Variants in GNAL observed in about 807,000 individuals in gnomAD.
The protein encoded by GNAL is guanine nucleotide-binding protein G(olf) subunit alpha.
GNAL carries 18 observed loss-of-function variants against 55.1 expected under a neutral mutation model. The ratio of observed to expected loss-of-function variants is 0.33; its 90% CI spans 0.23 to 0.48. GNAL has a LOEUF of 0.48. Among genes scored for constraint, GNAL ranks in the 20% least tolerant of loss-of-function variants. GNAL has a pLI of 0.99. For missense variants in GNAL, 412 were observed against 614.1 expected, an observed-to-expected ratio of 0.67 and a Z score of 3.48; for synonymous variants, 253 against 237.0, an observed-to-expected ratio of 1.07 and a Z score of -0.62.
chr18:11,844,016 T>C (rs1181336401), intron 5 of GNAL, among the ~76,000 whole-genome samples: 2 of 152,102 alleles, frequency 1.3e-5, no homozygotes, highest in Admixed American at 1.3e-4. Flanking sequence ...AAAAGTTTAA[T>C]TACAGTTATT....
intron 4 of GNAL, among the ~76,000 whole-genome samples, chr18:11,819,285 A>G (rs1166298648): frequency 6.6e-6 from 1 of 152,220 alleles, no homozygotes; most frequent in South Asian, 2.1e-4. Context: ...ATTTCATGTT[A>G]TCTTTGAGTA....
At chr18:11,730,211 G>C (rs965329958) in intron 1 of GNAL, among the ~76,000 whole-genome samples, 1 of 149,590 alleles carries the variant, frequency 6.7e-6, no homozygotes, top group Non-Finnish European at 1.5e-5. Context: ...CCAAGCTGGA[G>C]TGCAGTGGCA....
chr18:11,696,661 A>C (rs1004124336), intron 1 of GNAL, among the ~76,000 whole-genome samples: 1 of 152,216 alleles, frequency 6.6e-6, no homozygotes, highest in Non-Finnish European at 1.5e-5. Flanking sequence ...CGTTGTTTAC[A>C]TGAAGCCTAA....
intron 5 of GNAL, among the ~76,000 whole-genome samples, chr18:11,841,180 A>G (rs2143732812): frequency 6.6e-6 from 1 of 152,182 alleles, no homozygotes. Context: ...AGCCTTCATC[A>G]GCTTTCAATT....
At chr18:11,825,928 T>A (rs533717016) in intron 5 of GNAL, among the ~76,000 whole-genome samples, 2 of 152,294 alleles carry the variant, frequency 1.3e-5, no homozygotes, top group East Asian at 3.9e-4. Flanking sequence ...TTAAAAATTG[T>A]AGTTGACTAG....
chr18:11,724,744 T>C (rs1005479068), intron 1 of GNAL, among the ~76,000 whole-genome samples: 1 of 152,208 alleles, frequency 6.6e-6, no homozygotes, highest in African/African-American at 2.4e-5. Flanking sequence ...CCTGATGTTA[T>C]AGTGTCAACC....
intron 1 of GNAL, 71 bp downstream of exon 1, chr18:11,690,010 C>T (rs1341500862): frequency 1.1e-6 from 1 of 934,030 alleles, no homozygotes; most frequent in Non-Finnish European, 1.4e-6. Flanking sequence ...CGGCGGGCAC[C>T]GGGGAGCGGT....
At position 11,881,240 on chromosome 18, in the gene GNAL, T is replaced by C; in HGVS notation, c.*105T>C. The C allele has an allele frequency of 8.6e-7, 1 of 1,156,960 alleles. No individual in the cohort carries two copies. The highest frequency in any genetic ancestry group is 1.5e-5 in the South Asian group (1 of 66,302). 71.7% of individuals were successfully genotyped at this position (1,156,960 alleles called of 1,614,324 possible). ...TCTCTAGTTCCATCTCGCTGCCGTCTGTCCCGTTCTGTGTCGACCACCAAG... is the reference window on the plus strand; with the variant it reads ...TCTCTAGTTCCATCTCGCTGCCGTCCGTCCCGTTCTGTGTCGACCACCAAG... On this transcript the variant is annotated 3_prime_UTR_variant, in exon 12 of 12. Coordinates refer to ENST00000334049, the MANE Select transcript of GNAL (RefSeq NM_182978.4). This position sits in a 1 kb window ranked among gnomAD's most constrained non-coding sequence, Gnocchi z 4.8.
At chr18:11,846,464 TACACACACACACAC>T (rs57334090) in intron 5 of GNAL, among the ~76,000 whole-genome samples, 1 of 140,094 alleles carries the variant, frequency 7.1e-6, no homozygotes, top group African/African-American at 2.7e-5. Flanking sequence ...TATATAAATA[TACACACACACACAC>T]ACACACACAC....
chr18:11,784,088 A>G (rs1376078079), intron 4 of GNAL, among the ~76,000 whole-genome samples: 3 of 152,232 alleles, frequency 2.0e-5, no homozygotes, highest in African/African-American at 7.2e-5. Flanking sequence ...AAGCCCATGC[A>G]GGGCAGAGAG....
At chr18:11,750,116 G>C (rs1323474560) in intron 1 of GNAL, among the ~76,000 whole-genome samples, 1 of 152,214 alleles carries the variant, frequency 6.6e-6, no homozygotes, top group Non-Finnish European at 1.5e-5. Context: ...GAAAGAACAG[G>C]ACAGATACTC....
chr18:11,696,411 A>C (rs989309196), intron 1 of GNAL, among the ~76,000 whole-genome samples: 1 of 151,850 alleles, frequency 6.6e-6, no homozygotes, highest in African/African-American at 2.4e-5. Context: ...AGGCTGAGGC[A>C]GGAGAATGGC....
chr18:11,761,084 T>C (rs947742386), intron 4 of GNAL, among the ~76,000 whole-genome samples: 1 of 152,258 alleles, frequency 6.6e-6, no homozygotes, highest in Admixed American at 6.5e-5. Flanking sequence ...TGGGGCTGGT[T>C]GGTGGCCCCA....
chr18:11,747,227 G>A lies in GNAL; in HGVS notation c.377-5626G>A, dbSNP rs1239054162. ...CAGAAATGAGAACTCCAAAGATGAG[G>A]TGGAGAAACAGCTCCTGAAAGAGAC... On this transcript the variant is annotated intron_variant, in intron 1 of 11. Coordinates refer to ENST00000334049, the MANE Select transcript of GNAL (RefSeq NM_182978.4). 9.4e-5 allele frequency: 34 copies of A among 359,906 alleles called. No individual in the cohort carries two copies. The Admixed American group carries it at 9.9e-4, about 10-fold the overall frequency. The allele number at this position is 359,906 out of a possible 1,614,324, so 22.3% of individuals were successfully genotyped here. A position where few individuals can be genotyped will look rare whatever the true frequency, so the allele number is the denominator to read the frequency against.
At chr18:11,738,468 C>T (rs1380980524) in intron 1 of GNAL, among the ~76,000 whole-genome samples, 2 of 152,052 alleles carry the variant, frequency 1.3e-5, no homozygotes, top group African/African-American at 4.8e-5. Flanking sequence ...ATGGCACCTT[C>T]ATGACCAGCT....
At chr18:11,877,674 A>G (rs569069004) in intron 11 of GNAL, among the ~76,000 whole-genome samples, 1 of 152,218 alleles carries the variant, frequency 6.6e-6, no homozygotes, top group East Asian at 1.9e-4. Context: ...CGTGTGGACA[A>G]GATCTTAGTC....
chr18:11,780,677 G>A (rs1009549900), intron 4 of GNAL, among the ~76,000 whole-genome samples: 3 of 152,076 alleles, frequency 2.0e-5, no homozygotes, highest in Non-Finnish European at 4.4e-5. Flanking sequence ...GGGTTTTCAC[G>A]TCTGTAAAAT....
At chr18:11,742,508 C>T (rs1407632015) in intron 1 of GNAL, among the ~76,000 whole-genome samples, 7 of 152,244 alleles carry the variant, frequency 4.6e-5, no homozygotes, top group East Asian at 1.9e-4. Flanking sequence ...CATTCTTGTT[C>T]GGCATCCGCT....
intron 1 of GNAL, among the ~76,000 whole-genome samples, chr18:11,707,797 T>A (rs2031748299): frequency 6.6e-6 from 1 of 152,210 alleles, no homozygotes. Flanking sequence ...CTTAGCTAGA[T>A]CTTCTGGTTA....
Sources: gnomAD v4.1 joint callset for allele counts (sites outside exome capture counted in the v4.1 genomes callset) on GRCh38, gnomAD v4.1.1 for gene constraint, Gnocchi (gnomAD v3.1) non-coding constraint, MANE v1.5 for transcripts, NCBI Gene and HGNC (gene_info 2026-07-23, HGNC 2026-07-21) for gene names.